AGBL4: variants seen among roughly 807,000 people sequenced by gnomAD.
The protein encoded by AGBL4 is AGBL carboxypeptidase 4, also known as cytosolic carboxypeptidase 6.
In AGBL4, 58 loss-of-function variants were observed where a neutral mutation model predicts 66.4. That is an observed-to-expected ratio of 0.87 (90% CI 0.71 to 1.09). AGBL4 has a LOEUF of 1.09. Among genes scored for constraint, AGBL4 ranks in the 50% least tolerant of loss-of-function variants. AGBL4 has a pLI of 0.00. For synonymous variants in AGBL4, 234 were observed against 222.9 expected, an observed-to-expected ratio of 1.05 and a Z score of -0.44; for missense variants, 579 against 631.0, an observed-to-expected ratio of 0.92 and a Z score of 0.88.
intron 6 of AGBL4, among the ~76,000 whole-genome samples, chr1:48,675,683 G>A (rs969086324): frequency 6.6e-6 from 1 of 152,162 alleles, no homozygotes; most frequent in African/African-American, 2.4e-5. Context: ...AATCAGAGGA[G>A]TTAAGGATGC....
intron 5 of AGBL4, among the ~76,000 whole-genome samples, chr1:48,882,271 T>C (rs1369253271): frequency 1.3e-5 from 2 of 152,238 alleles, no homozygotes; most frequent in Non-Finnish European, 2.9e-5. Context: ...TCAAAGTTCC[T>C]GATTAGGCAG....
chr1:49,414,684 AG>A (rs1645390662), intron 3 of AGBL4, among the ~76,000 whole-genome samples: 1 of 152,190 alleles, frequency 6.6e-6, no homozygotes, highest in Non-Finnish European at 1.5e-5. Context: ...TGAAGAATGT[AG>A]GGGGAAAGAA....
At chr1:49,744,183 T>C (rs762743141) in intron 2 of AGBL4, among the ~76,000 whole-genome samples, 4 of 152,296 alleles carry the variant, frequency 2.6e-5, no homozygotes, top group Middle Eastern at 6.8e-3. Context: ...GGTTGGATCA[T>C]GAGAGCAGTT....
intron 2 of AGBL4, among the ~76,000 whole-genome samples, chr1:49,726,236 G>A (rs1178168259): frequency 6.6e-6 from 1 of 152,150 alleles, no homozygotes; most frequent in Non-Finnish European, 1.5e-5. Context: ...TCACAGATAT[G>A]TTAACTAGAA....
rs1161275669 is a variant in AGBL4, at chr1:48,689,828, G to A, written c.635-26587C>T. Among the ~76,000 whole-genome samples, 3 of 152,110 alleles carry A rather than the reference G, an allele frequency of 2.0e-5. 1 individual carries two copies. Among genetic ancestry groups the A allele is most frequent in the African/African-American group, 4.8e-5 (2 of 41,416 alleles). The stretch of plus-strand genomic sequence containing the variant: ...GCTGAGGTGGGAGAATCACTTGAAC[G>A]CAGGAGGCAGAGGTTGCAGTAAGCC... On this transcript the variant is annotated intron_variant, in intron 6 of 13. Coordinates refer to ENST00000371839, the MANE Select transcript of AGBL4 (RefSeq NM_032785.4).
intron 6 of AGBL4, among the ~76,000 whole-genome samples, chr1:48,750,858 GT>G (rs1423510028): frequency 6.6e-6 from 1 of 152,072 alleles, no homozygotes. Flanking sequence ...GAACTCTGGG[GT>G]TCCTTATAGG....
intron 4 of AGBL4, among the ~76,000 whole-genome samples, chr1:49,198,471 GC>G (rs1362130661): frequency 2.6e-5 from 4 of 152,072 alleles, no homozygotes; most frequent in African/African-American, 9.7e-5. Context: ...CTCCCGAGTA[GC>G]TGGGGTTACA....
chr1:49,679,552 C>T (rs1646647942), intron 3 of AGBL4, among the ~76,000 whole-genome samples: 1 of 152,050 alleles, frequency 6.6e-6, no homozygotes, highest in Non-Finnish European at 1.5e-5. Context: ...AATAAGGCCA[C>T]TTACATTTAA....
chr1:48,691,522 G>C (rs530826787), intron 6 of AGBL4, among the ~76,000 whole-genome samples: 1 of 152,182 alleles, frequency 6.6e-6, no homozygotes, highest in Non-Finnish European at 1.5e-5. Context: ...TGAGCGTTAA[G>C]AATGAGAATG....
intron 5 of AGBL4, among the ~76,000 whole-genome samples, chr1:48,880,325 C>T (rs1400563298): frequency 1.3e-5 from 2 of 152,124 alleles, no homozygotes; most frequent in Non-Finnish European, 2.9e-5. Context: ...AGTAGTATTC[C>T]ATCATACATA....
At chr1:48,669,071 C>T (rs1411081855) in intron 6 of AGBL4, among the ~76,000 whole-genome samples, 1 of 152,108 alleles carries the variant, frequency 6.6e-6, no homozygotes, top group Non-Finnish European at 1.5e-5. Flanking sequence ...CTTCTGTACC[C>T]TGAGGGGGTC....
intron 1 of AGBL4, among the ~76,000 whole-genome samples, chr1:49,962,650 A>G (rs1182051833): frequency 1.3e-5 from 2 of 152,202 alleles, no homozygotes; most frequent in African/African-American, 4.8e-5. Context: ...AGAATACAAT[A>G]GTAAGTGAAG....
At chr1:49,375,958 C>T (rs1050254191) in intron 3 of AGBL4, among the ~76,000 whole-genome samples, 1 of 152,120 alleles carries the variant, frequency 6.6e-6, no homozygotes, top group African/African-American at 2.4e-5. Flanking sequence ...CAAGATCCCA[C>T]TCTCACTCCC....
At chr1:48,776,553 G>T (rs1386025094) in intron 6 of AGBL4, 2 of 680,178 alleles carry the variant, frequency 2.9e-6, no homozygotes, top group African/African-American at 2.0e-5. Context: ...GGCCCCTCCC[G>T]GGGTCCCAGC....
chr1:49,602,211 T>C (rs1045413789), intron 3 of AGBL4, among the ~76,000 whole-genome samples: 1 of 152,118 alleles, frequency 6.6e-6, no homozygotes, highest in Non-Finnish European at 1.5e-5. Flanking sequence ...CTGGAGAGGA[T>C]GTGGAGAAAC....
At chr1:50,010,361 T>C (rs1557658300) in intron 1 of AGBL4, among the ~76,000 whole-genome samples, 1 of 151,936 alleles carries the variant, frequency 6.6e-6, no homozygotes, top group Non-Finnish European at 1.5e-5. Flanking sequence ...TGTTAAAATG[T>C]TCATACTATC....
intron 1 of AGBL4, among the ~76,000 whole-genome samples, chr1:49,946,575 A>G (rs754443606): frequency 2.6e-5 from 4 of 151,896 alleles, no homozygotes; most frequent in African/African-American, 4.8e-5. Flanking sequence ...AATAGGAAAT[A>G]TCATAGCCCT....
At chr1:49,753,611 G>A (rs900048978) in intron 2 of AGBL4, among the ~76,000 whole-genome samples, 2 of 152,014 alleles carry the variant, frequency 1.3e-5, no homozygotes, top group African/African-American at 4.8e-5. Context: ...TTGAATGTTG[G>A]CCTGTTTTGC....
chr1:49,070,898 T>C (rs1444349089), intron 4 of AGBL4, among the ~76,000 whole-genome samples: 1 of 151,990 alleles, frequency 6.6e-6, no homozygotes, highest in Non-Finnish European at 1.5e-5. Context: ...TGGTAGGCTA[T>C]TAATTATTGC....
Sources: gnomAD v4.1 joint callset for allele counts (sites outside exome capture counted in the v4.1 genomes callset) on GRCh38, gnomAD v4.1.1 for gene constraint, MANE v1.5 for transcripts, NCBI Gene and HGNC (gene_info 2026-07-23, HGNC 2026-07-21) for gene names.